Variants in RAD50 observed in about 807,000 individuals in gnomAD.
The protein encoded by RAD50 is DNA repair protein RAD50.
RAD50 carries 132 observed loss-of-function variants against 168.8 expected under a neutral mutation model. That is an observed-to-expected ratio of 0.78 (90% CI 0.68 to 0.90). RAD50 has a LOEUF of 0.90. Ranked by LOEUF, RAD50 falls within the 40% of genes least tolerant of loss-of-function variation. The pLI, the probability that RAD50 is intolerant of heterozygous loss-of-function variation, is 0.00. For missense variants in RAD50, 1,347 were observed against 1,534.4 expected (o/e 0.88, Z 2.04); for synonymous variants, 525 against 497.4 (o/e 1.06, Z -0.74).
At chr5:132,570,235 A>G (rs1459409112) in intron 2 of RAD50, among the ~76,000 whole-genome samples, 1 of 152,154 alleles carries the variant, frequency 6.6e-6, no homozygotes, top group Non-Finnish European at 1.5e-5. Flanking sequence ...GAGCCCAAGT[A>G]AGGAATCTAT....
chr5:132,609,018 A>C (rs1581004519), intron 17 of RAD50, 99 bp from the exon 18 acceptor site: 2 of 1,515,898 alleles, frequency 1.3e-6, no homozygotes, highest in Non-Finnish European at 1.8e-6. Context: ...GGAAACTGGA[A>C]CCCAATGTTC....
Position 132,580,009 on chromosome 5 carries a change from G to T in RAD50, c.699G>T (p.Gln233His), listed in dbSNP as rs755911947. 15 of 1,613,344 alleles carry T rather than the reference G, an allele frequency of 9.3e-6. No homozygotes were observed. Among genetic ancestry groups the T allele is most frequent in the Non-Finnish European group, 1.3e-5 (15 of 1,179,512 alleles). The stretch of plus-strand genomic sequence containing the variant: ...ATCAGATTACAAGTAAGGAAGCCCA[G>T]TTAACATCTTCAAAGGAAATTGTCA... ...IRDQITSKEA[Q>H]LTSSKEIVKS... is the part of the protein sequence containing the mutation. Residue 233 changes from glutamine to histidine, a missense_variant, in exon 5 of 25, where the codon CAG (glutamine) becomes CAT (histidine). Gln to His is a conservative substitution (Grantham distance 24, BLOSUM62 0). Around this residue, in one of 3 missense-constraint regions of RAD50, gnomAD observed 703 missense variants for 767.7 expected, o/e 0.92. Transcript: ENST00000378823.
In RAD50 at chr5:132,587,959, A is replaced by G. The variant is rs144639596; in HGVS notation, c.921A>G (p.Leu307=). ...FQGTDEQLND[L]YHNHQRTVRE... ...GGACTGATGAGCAACTAAATGACTT[A>G]TATCACAATCACCAGAGAACAGTAA... The change falls in exon 7 of 25, where the codon TTA becomes TTG. Residue 307 remains leucine (L), a synonymous_variant. Coordinates refer to ENST00000378823, the MANE Select transcript of RAD50 (RefSeq NM_005732.4). 166 of 1,613,266 alleles carry G rather than the reference A, an allele frequency of 1.0e-4. No homozygotes were observed. In the African/African-American group the frequency reaches 1.9e-3, roughly 18 times the overall value.
Position 132,607,678 on chromosome 5 carries a change from G to T in RAD50, c.2719-937G>T, listed in dbSNP as rs187265981. Among the ~76,000 whole-genome samples the T allele has an allele frequency of 2.9e-4, 44 of 152,276 alleles. No homozygotes were observed. In the East Asian group the frequency reaches 7.9e-3, roughly 27 times the overall value. On this transcript the variant is annotated intron_variant, in intron 16 of 24. Transcript: ENST00000378823. ...GCCTCAGCAACCCTATTTAGATGAT[G>T]AAATCTCTTTATAGAAAAATTGAGA...
intron 23 of RAD50, among the ~76,000 whole-genome samples, chr5:132,638,797 T>C (rs1751650301): frequency 6.6e-6 from 1 of 152,154 alleles, no homozygotes; most frequent in Non-Finnish European, 1.5e-5. Flanking sequence ...GAGGACAGCC[T>C]ACATTGGAAA....
intron 21 of RAD50, among the ~76,000 whole-genome samples, chr5:132,631,498 T>G (rs1404046922): frequency 7.2e-5 from 11 of 152,200 alleles, no homozygotes; most frequent in Admixed American, 7.2e-4. Flanking sequence ...CTGAGAGATG[T>G]GCATACTCCA....
In RAD50 at chr5:132,643,859, TA is replaced by T. The variant is rs1751794848; in HGVS notation, c.*1498del. 4.3e-6 allele frequency: 1 copy of T among 231,698 alleles called. No homozygotes were observed. The highest frequency in any genetic ancestry group is 2.2e-5 in the African/African-American group (1 of 45,234). The allele number at this position is 231,698 out of a possible 1,614,324, so 14.4% of individuals were successfully genotyped here. ...TTTCAGAAAATGAAAAATCTGTTGA[TA>T]AATCCATCACTATAATAAAACCGAA... On this transcript the variant is annotated 3_prime_UTR_variant, in exon 25 of 25. Transcript: ENST00000378823.
chr5:132,591,191 A>G (rs2149842064), intron 9 of RAD50, 33 bp from the exon 10 acceptor site: 1 of 1,558,590 alleles, frequency 6.4e-7, no homozygotes, highest in Non-Finnish European at 8.9e-7. Flanking sequence ...CAAAATATAT[A>G]ACACCTTTGC....
chr5:132,610,503 T>G (rs887754845), intron 19 of RAD50, among the ~76,000 whole-genome samples: 9 of 152,184 alleles, frequency 5.9e-5, no homozygotes, highest in African/African-American at 2.2e-4. Context: ...CTTTAAAAAC[T>G]ATACCATTTC....
chr5:132,616,675 C>T (rs1044535816), intron 20 of RAD50, among the ~76,000 whole-genome samples: 1 of 152,198 alleles, frequency 6.6e-6, no homozygotes, highest in Non-Finnish European at 1.5e-5. Context: ...CCTGCCTTGA[C>T]TGCCTTAGAG....
At chr5:132,632,327 C>T (rs572019628) in intron 21 of RAD50, among the ~76,000 whole-genome samples, 1 of 152,348 alleles carries the variant, frequency 6.6e-6, no homozygotes, top group Middle Eastern at 3.4e-3. Flanking sequence ...GACTTAGGCT[C>T]ATTTCCATGA....
chr5:132,579,474 A>C lies in RAD50; in HGVS notation c.523A>C (p.Lys175Gln), dbSNP rs762764269. 1 of 1,613,712 alleles carries C rather than the reference A, an allele frequency of 6.2e-7. No individual in the cohort carries two copies. The highest frequency in any genetic ancestry group is 1.1e-5 in the South Asian group (1 of 91,044). ...PLSEGKALKQ[K>Q]FDEIFSATRY... ...AAGTGAAGGAAAGGCTTTGAAGCAAAAGTTTGATGAGATTTTTTCAGCAAC... is the reference window on the plus strand; with the variant it reads ...AAGTGAAGGAAAGGCTTTGAAGCAACAGTTTGATGAGATTTTTTCAGCAAC... Residue 175 changes from lysine (K) to glutamine (Q), a missense_variant, in exon 4 of 25, where the codon AAG becomes CAG. This residue lies in a region of RAD50 where 703 missense variants were observed against 767.7 expected (regional missense o/e 0.92). Coordinates refer to ENST00000378823, the MANE Select transcript of RAD50 (RefSeq NM_005732.4).
intron 5 of RAD50, 23 bp from the exon 6 acceptor site, chr5:132,587,539 A>T (rs1380467522): frequency 1.2e-6 from 2 of 1,610,922 alleles, no homozygotes; most frequent in Non-Finnish European, 1.7e-6. Context: ...AGTTTTATTT[A>T]TGTAATGTTT....
intron 2 of RAD50, among the ~76,000 whole-genome samples, chr5:132,565,637 G>A (rs1294740197): frequency 6.6e-6 from 1 of 151,974 alleles, no homozygotes; most frequent in Non-Finnish European, 1.5e-5. Flanking sequence ...TCACTGAGAG[G>A]GTCACTCTTC....
chr5:132,584,530 A>G (rs1750560740), intron 5 of RAD50, among the ~76,000 whole-genome samples: 1 of 152,150 alleles, frequency 6.6e-6, no homozygotes, highest in Non-Finnish European at 1.5e-5. Context: ...CCCATTTGTC[A>G]GTGTGGCGAT....
In RAD50 at chr5:132,613,594, CTTTTT is replaced by C. The variant is rs869151568; in HGVS notation, c.3037-2390_3037-2386del. Among the ~76,000 whole-genome samples, 505 of 111,124 alleles carry C rather than the reference CTTTTT, an allele frequency of 4.5e-3. 2 individuals are homozygous for C. The highest frequency in any genetic ancestry group is 0.017 in the African/African-American group (462 of 26,962). The allele number at this position is 111,124 out of a possible 152,430, so 72.9% of individuals were successfully genotyped here. The stretch of plus-strand genomic sequence containing the variant: ...TCATTCCTTTAATCTTCACAATAGT[CTTTTT>C]TTTTTTTTTTTTTTTTTTAAATTAG... On this transcript the variant is annotated intron_variant, in intron 19 of 24. Coordinates refer to ENST00000378823, the MANE Select transcript of RAD50 (RefSeq NM_005732.4).
chr5:132,603,606 C>T, intron 14 of RAD50, 117 bp downstream of exon 14: 1 of 1,179,948 alleles, frequency 8.5e-7, no homozygotes, highest in Non-Finnish European at 1.2e-6. Context: ...TAGAATTCCC[C>T]ATCCTGAATT....
rs2149866931 is a variant in RAD50, at chr5:132,642,242, T to G, written c.3817T>G (p.Phe1273Val). ...QLLVITHDED[F>V]VELLGRSEYV... ...TCTGGTAATCACTCATGATGAAGAT[T>G]TTGTGGAGCTTTTAGGACGTTCTGA... The change falls in exon 25 of 25, where the codon TTT becomes GTT. Residue 1273 changes from phenylalanine (F) to valine (V), a missense_variant. Phe to Val is a conservative substitution (Grantham distance 50). This residue lies in a region of RAD50 where 635 missense variants were observed against 739.2 expected (regional missense o/e 0.86). Coordinates refer to ENST00000378823, the MANE Select transcript of RAD50 (RefSeq NM_005732.4). 2.5e-6 allele frequency: 4 copies of G among 1,614,118 alleles called. No individual in the cohort carries two copies. Among genetic ancestry groups the G allele is most frequent in the Non-Finnish European group, 1.7e-6 (2 of 1,179,990 alleles).
Position 132,645,107 on chromosome 5 carries a change from CAAT to C in RAD50, c.*2746_*2748del, listed in dbSNP as rs1160856392. The C allele has an allele frequency of 6.6e-6, 1 of 152,202 alleles. No individual in the cohort carries two copies. The highest frequency in any genetic ancestry group is 2.4e-5 in the African/African-American group (1 of 41,438). The allele number at this position is 152,202 out of a possible 1,614,324, so 9.4% of individuals were successfully genotyped here. On this transcript the variant is annotated 3_prime_UTR_variant, in exon 25 of 25. Transcript: ENST00000378823. ...TTCTAGAGCCCCGTCCTTTTAATAA[CAAT>C]AACTGCACCCCTCCAAAATCTCAGT...
Sources: allele counts gnomAD v4.1 joint callset (sites outside exome capture counted in the v4.1 genomes callset), GRCh38; gene constraint gnomAD v4.1.1; regional missense constraint gnomAD v4.1.1; transcripts MANE v1.5; gene names NCBI Gene and HGNC (gene_info 2026-07-23, HGNC 2026-07-21).